ADAMTS6: variants seen among roughly 807,000 people sequenced by gnomAD.
ADAMTS6 encodes the protein A disintegrin and metalloproteinase with thrombospondin motifs 6.
Under a neutral mutation model 144.3 loss-of-function variants are expected in ADAMTS6, and 23 were observed. The ratio of observed to expected loss-of-function variants is 0.16; its 90% confidence interval spans 0.11 to 0.23. The LOEUF (loss-of-function observed/expected upper bound fraction) is 0.23, where lower values mean the gene tolerates loss of function less well. ADAMTS6 is among the 10% of genes least tolerant of loss of function. The pLI is 1.00. For missense variants in ADAMTS6, 999 were observed against 1,379.6 expected, an observed-to-expected ratio of 0.72 and a Z score of 4.37; for synonymous variants, 444 against 457.5, an observed-to-expected ratio of 0.97 and a Z score of 0.38.
At chr5:65,432,768 C>G (rs1203744276) in intron 7 of ADAMTS6, among the ~76,000 whole-genome samples, 1 of 152,004 alleles carries the variant, frequency 6.6e-6, no homozygotes, top group African/African-American at 2.4e-5. Context: ...GCCTCTGCAA[C>G]CTCTCTAACA....
At chr5:65,201,412 G>A (rs1182515095) in intron 20 of ADAMTS6, among the ~76,000 whole-genome samples, 3 of 152,008 alleles carry the variant, frequency 2.0e-5, no homozygotes, top group African/African-American at 7.3e-5. Context: ...CTTTTCTCAG[G>A]GCAATTTACC....
intron 14 of ADAMTS6, among the ~76,000 whole-genome samples, chr5:65,243,688 A>G (rs1419571375): frequency 6.6e-6 from 1 of 152,106 alleles, no homozygotes; most frequent in Non-Finnish European, 1.5e-5. Flanking sequence ...GGATCTTCAG[A>G]GTGCTCTAGG....
intron 11 of ADAMTS6, among the ~76,000 whole-genome samples, chr5:65,281,016 G>A (rs1388215583): frequency 2.0e-5 from 3 of 152,104 alleles, no homozygotes; most frequent in African/African-American, 7.2e-5. Context: ...TAGGGATGTT[G>A]TAGGCAGGAA....
intron 7 of ADAMTS6, among the ~76,000 whole-genome samples, chr5:65,362,160 C>G (rs1580492556): frequency 6.6e-6 from 1 of 152,256 alleles, no homozygotes; most frequent in East Asian, 1.9e-4. Flanking sequence ...AAAACTTTGC[C>G]TTCATAGTGA....
chr5:65,288,468 C>T, intron 11 of ADAMTS6, among the ~76,000 whole-genome samples: 1 of 151,930 alleles, frequency 6.6e-6, no homozygotes, highest in Non-Finnish European at 1.5e-5. Context: ...TACAGGCGTG[C>T]ACCACCACGC....
chr5:65,232,214 T>C (rs1176783552), intron 15 of ADAMTS6, among the ~76,000 whole-genome samples: 1 of 152,020 alleles, frequency 6.6e-6, no homozygotes, highest in Non-Finnish European at 1.5e-5. Flanking sequence ...ATGCTGGAGA[T>C]GCACTTCAAG....
chr5:65,224,362 G>A lies in ADAMTS6; in HGVS notation c.2230C>T (p.His744Tyr), dbSNP rs780954305. The A allele has an allele frequency of 3.7e-6, 6 of 1,614,066 alleles. No homozygotes were observed. The highest frequency in any genetic ancestry group is 5.1e-6 in the Non-Finnish European group (6 of 1,180,014). Residue 744 changes from histidine (H) to tyrosine (Y), a missense_variant, in exon 18 of 25, where the codon CAC becomes TAC. His to Tyr is a moderately conservative substitution (Grantham distance 83). Around this residue, in one of 3 missense-constraint regions of ADAMTS6, gnomAD observed 619 missense variants for 837.0 expected, o/e 0.74. Coordinates refer to ENST00000381055, the MANE Select transcript of ADAMTS6 (RefSeq NM_197941.4). Reference protein sequence around the residue: ...EVVQIPRGSVHIEVREVAMSK... With the variant: ...EVVQIPRGSVYIEVREVAMSK... ...ATGGCAACTTCTCTAACTTCAATGT[G>A]AACAGAGCCTCTTGGTATCTGCACC...
intron 15 of ADAMTS6, among the ~76,000 whole-genome samples, chr5:65,235,049 CAG>C (rs1456084219): frequency 6.6e-6 from 1 of 152,078 alleles, no homozygotes; most frequent in East Asian, 1.9e-4. Flanking sequence ...CTCATAGAAA[CAG>C]AGAGAGCTTA....
intron 9 of ADAMTS6, among the ~76,000 whole-genome samples, chr5:65,314,677 A>G (rs1341235770): frequency 1.3e-5 from 2 of 152,190 alleles, no homozygotes; most frequent in African/African-American, 2.4e-5. Flanking sequence ...TTACTCCTGG[A>G]GAAACAAGAA....
At chr5:65,154,697 G>A (rs1319251714) in intron 24 of ADAMTS6, among the ~76,000 whole-genome samples, 1 of 152,202 alleles carries the variant, frequency 6.6e-6, no homozygotes, top group Non-Finnish European at 1.5e-5. Flanking sequence ...AGGATGTTGT[G>A]AGGTTTGCAT....
chr5:65,189,306 T>C (rs560807116), intron 21 of ADAMTS6, among the ~76,000 whole-genome samples: 1 of 152,344 alleles, frequency 6.6e-6, no homozygotes, highest in African/African-American at 2.4e-5. Context: ...ATGTAACTCA[T>C]GATCTAAATC....
intron 7 of ADAMTS6, among the ~76,000 whole-genome samples, chr5:65,398,985 C>A (rs376714595): frequency 8.5e-5 from 13 of 152,122 alleles, no homozygotes; most frequent in African/African-American, 2.9e-4. Flanking sequence ...TGGCTGGGTG[C>A]GGTGGCTCAT....
At chr5:65,170,495 G>T in intron 24 of ADAMTS6, 122 bp downstream of exon 24, 4 of 1,123,492 alleles carry the variant, frequency 3.6e-6, no homozygotes, top group East Asian at 2.6e-5. Flanking sequence ...CATATAAGCA[G>T]CTTTCACAAA....
At chr5:65,273,149 C>T (rs1299367297) in intron 12 of ADAMTS6, among the ~76,000 whole-genome samples, 191 bp downstream of exon 12, 1 of 152,014 alleles carries the variant, frequency 6.6e-6, no homozygotes, top group Non-Finnish European at 1.5e-5. Flanking sequence ...ATAGACTTAC[C>T]AACTGTAATT....
At chr5:65,196,703 T>C (rs572004165) in intron 21 of ADAMTS6, among the ~76,000 whole-genome samples, 2 of 152,008 alleles carry the variant, frequency 1.3e-5, no homozygotes, top group East Asian at 3.8e-4. Context: ...TAGCTGCAAG[T>C]TGAATCCTAA....
chr5:65,215,719 A>G (rs1472208353), intron 18 of ADAMTS6, among the ~76,000 whole-genome samples: 1 of 152,204 alleles, frequency 6.6e-6, no homozygotes, highest in Non-Finnish European at 1.5e-5. Context: ...GTTAACCTGG[A>G]GGAATAAACA....
intron 14 of ADAMTS6, among the ~76,000 whole-genome samples, chr5:65,246,712 A>G (rs1469741791): frequency 6.6e-6 from 1 of 152,194 alleles, no homozygotes; most frequent in Non-Finnish European, 1.5e-5. Context: ...AGAATAGTAT[A>G]GAGAATGGAA....
At chr5:65,192,538 CACG>C (rs1721198261) in intron 21 of ADAMTS6, among the ~76,000 whole-genome samples, 1 of 151,950 alleles carries the variant, frequency 6.6e-6, no homozygotes, top group South Asian at 2.1e-4. Context: ...GCTATTAAAA[CACG>C]GCATGGTAAA....
At chr5:65,377,366 T>C (rs2150129926) in intron 7 of ADAMTS6, among the ~76,000 whole-genome samples, 1 of 152,300 alleles carries the variant, frequency 6.6e-6, no homozygotes, top group South Asian at 2.1e-4. Context: ...TGACATCTGA[T>C]ATTCTTGAAT....
Sources: allele counts gnomAD v4.1 joint callset (sites outside exome capture counted in the v4.1 genomes callset), GRCh38; gene constraint gnomAD v4.1.1; regional missense constraint gnomAD v4.1.1; transcripts MANE v1.5; gene names NCBI Gene and HGNC (gene_info 2026-07-23, HGNC 2026-07-21).